LRRK2: variants seen among roughly 807,000 people sequenced by gnomAD.
LRRK2 encodes leucine-rich repeat serine/threonine-protein kinase 2.
LRRK2 carries 203 observed loss-of-function variants against 302.6 expected under a neutral mutation model. That is an observed-to-expected ratio of 0.67 (90% confidence interval 0.60 to 0.75). The LOEUF (loss-of-function observed/expected upper bound fraction) is 0.75. Among genes scored for constraint, LRRK2 ranks in the 30% least tolerant of loss-of-function variants. The probability of loss-of-function intolerance (pLI) is 0.00; values close to 1 mark genes in which losing one functional copy is unlikely to be tolerated. For synonymous variants in LRRK2, 1,066 were observed against 1,031.9 expected (o/e 1.03, Z -0.63); for missense variants, 2,830 against 2,951.0 (o/e 0.96, Z 0.95).
At chr12:40,357,528 C>T (rs558139893) in intron 46 of LRRK2, among the ~76,000 whole-genome samples, 15 of 152,096 alleles carry the variant, frequency 9.9e-5, no homozygotes, top group South Asian at 2.1e-4. Flanking sequence ...TTTTGTTTTC[C>T]GTAGTGGCTA....
chr12:40,298,386 G>T lies in LRRK2; in HGVS notation c.3240G>T (p.Val1080=). The change falls in exon 24 of 51, where the codon GTG becomes GTT. Residue 1080 remains valine (V), a synonymous_variant. Coordinates refer to ENST00000298910, the MANE Select transcript of LRRK2 (RefSeq NM_198578.4). ...IGPSVVLDPT[V]KCPTLKQFNL... Reference sequence around the variant, plus strand: ...CCTCAGTGGTTTTAGATCCTACAGTGAAATGTCCAACTCTGAAACAGTTTA... The same window carrying T: ...CCTCAGTGGTTTTAGATCCTACAGTTAAATGTCCAACTCTGAAACAGTTTA... The T allele has an allele frequency of 6.2e-7, 1 of 1,613,916 alleles. No individual in the cohort carries two copies. Among genetic ancestry groups the T allele is most frequent in the South Asian group, 1.1e-5 (1 of 91,084 alleles).
chr12:40,317,458 G>A (rs191071717), intron 33 of LRRK2, among the ~76,000 whole-genome samples: 6 of 152,114 alleles, frequency 3.9e-5, no homozygotes, highest in African/African-American at 1.2e-4. Flanking sequence ...GGCAAGGGCC[G>A]GAATAATTTC....
At chr12:40,259,402 T>G in intron 12 of LRRK2, 78 bp from the exon 13 acceptor site, 1 of 1,571,488 alleles carries the variant, frequency 6.4e-7, no homozygotes, top group South Asian at 1.1e-5. Context: ...TCTGCCCTCC[T>G]GTACTTATTT....
At chr12:40,262,581 T>G (rs1422762026) in intron 13 of LRRK2, among the ~76,000 whole-genome samples, 1 of 152,124 alleles carries the variant, frequency 6.6e-6, no homozygotes, top group East Asian at 1.9e-4. Context: ...TCAAAAAAAT[T>G]TACAGTCCAC....
chr12:40,304,006 T>C lies in LRRK2; in HGVS notation c.3649T>C (p.Trp1217Arg). Reference protein sequence around the residue: ...DIQYLPGPAHWKSLNLRELLF... With the variant: ...DIQYLPGPAHRKSLNLRELLF... ...TCAGTACCTACCAGGTCCCGCACAC[T>C]GGAAATCTTTGAACTTAAGGGAACT... The change falls in exon 27 of 51, where the codon TGG (tryptophan) becomes CGG (arginine). Residue 1217 changes from tryptophan (W) to arginine (R), a missense_variant. Trp to Arg is a moderately radical substitution (Grantham distance 101, BLOSUM62 -3). Transcript: ENST00000298910. 1 of 1,613,764 alleles carries C rather than the reference T, an allele frequency of 6.2e-7. No homozygotes were observed. The highest frequency in any genetic ancestry group is 8.5e-7 in the Non-Finnish European group (1 of 1,179,766).
rs1330959003 is a variant in LRRK2 at position 40,238,119 on chromosome 12, A to C, written c.571+16A>C. The C allele has an allele frequency of 6.8e-6, 11 of 1,612,008 alleles. No homozygotes were observed. The Admixed American group carries it at 1.8e-4, about 27-fold the overall frequency. ...TTTGAGAGAGGTATTTTAAAATGTCAAATTCCTTAAAGTATATATAAGAAA... is the reference window on the plus strand; with the variant it reads ...TTTGAGAGAGGTATTTTAAAATGTCCAATTCCTTAAAGTATATATAAGAAA... On this transcript the variant is annotated intron_variant, in intron 5 of 50. Transcript: ENST00000298910.
At chr12:40,321,575 G>A (rs11564204) in intron 35 of LRRK2, among the ~76,000 whole-genome samples, 22,039 of 151,906 alleles carry the variant, frequency 0.15, 1,737 homozygotes, top group African/African-American at 0.19. Context: ...AGACATTTTG[G>A]TACTCCAAAG....
At chr12:40,228,123 T>C (rs1349059120) in intron 2 of LRRK2, among the ~76,000 whole-genome samples, 4 of 152,224 alleles carry the variant, frequency 2.6e-5, no homozygotes, top group Non-Finnish European at 5.9e-5. Context: ...CTGGATCATA[T>C]GAAAATTCTC....
At position 40,332,706 on chromosome 12, in the gene LRRK2, T is replaced by C. The variant is rs143543063; in HGVS notation, c.5758-2261T>C. Among the ~76,000 whole-genome samples, 12 of 152,288 alleles carry C rather than the reference T, an allele frequency of 7.9e-5. No individual in the cohort carries two copies. The East Asian group carries it at 1.2e-3, about 15-fold the overall frequency. On this transcript the variant is annotated intron_variant, in intron 39 of 50. Coordinates refer to ENST00000298910, the MANE Select transcript of LRRK2 (RefSeq NM_198578.4). ...CTAGAACCAAATTGAACATTTTATATATAGAAGCTTATCTGTGAATCAAAT... is the reference window on the plus strand; with the variant it reads ...CTAGAACCAAATTGAACATTTTATACATAGAAGCTTATCTGTGAATCAAAT...
chr12:40,308,475 A>G lies in LRRK2; in HGVS notation c.3968A>G (p.Gln1323Arg), dbSNP rs186669665. Residue 1323 changes from glutamine to arginine, a missense_variant, in exon 29 of 51, where the codon CAA becomes CGA. Around this residue, in one of 3 missense-constraint regions of LRRK2, gnomAD observed 2,121 missense variants for 2,148.0 expected, o/e 0.99. Transcript: ENST00000298910. The stretch of plus-strand genomic sequence containing the variant: ...TATCTTTCAAATACTAGGTTTCTTC[A>G]ACAGCGATTAAAAAAGGCTGTGCCT... ...CKAKDIIRFL[Q>R]QRLKKAVPYN... 4 of 1,613,300 alleles carry G rather than the reference A, an allele frequency of 2.5e-6. No homozygotes were observed. In the East Asian group the frequency reaches 8.9e-5, roughly 36 times the overall value.
intron 20 of LRRK2, among the ~76,000 whole-genome samples, chr12:40,292,622 C>T (rs73268078): frequency 0.024 from 3,601 of 151,592 alleles, 157 homozygotes; most frequent in African/African-American, 0.082. Flanking sequence ...TAAACTTTAG[C>T]AATGAACCAG....
chr12:40,238,797 C>T (rs975643489), intron 5 of LRRK2, among the ~76,000 whole-genome samples: 3 of 152,232 alleles, frequency 2.0e-5, no homozygotes, highest in Non-Finnish European at 2.9e-5. Flanking sequence ...TATCAGTTTA[C>T]CAGTCTAATT....
At chr12:40,274,104 A>G (rs1162483921) in intron 14 of LRRK2, among the ~76,000 whole-genome samples, 1 of 152,202 alleles carries the variant, frequency 6.6e-6, no homozygotes. Flanking sequence ...TAAATGAAAT[A>G]ACGCATGCAA....
At chr12:40,316,278 G>GA in intron 33 of LRRK2, 1 of 980,324 alleles carries the variant, frequency 1.0e-6, no homozygotes, top group African/African-American at 1.7e-5. Flanking sequence ...TCCATCTAAG[G>GA]AAAAAAAGGA....
At chr12:40,266,223 G>A (rs902757261) in intron 14 of LRRK2, among the ~76,000 whole-genome samples, 1 of 151,896 alleles carries the variant, frequency 6.6e-6, no homozygotes, top group African/African-American at 2.4e-5. Context: ...GCAACCTACA[G>A]AATGGGAGAA....
intron 11 of LRRK2, among the ~76,000 whole-genome samples, chr12:40,255,704 A>T (rs1942470714): frequency 6.6e-6 from 1 of 152,174 alleles, no homozygotes; most frequent in Admixed American, 6.6e-5. Flanking sequence ...GGTGATTCTG[A>T]TGCACACTAA....
chr12:40,283,017 A>C (rs530668549), intron 18 of LRRK2, among the ~76,000 whole-genome samples: 2 of 151,338 alleles, frequency 1.3e-5, no homozygotes, highest in Non-Finnish European at 2.9e-5. Flanking sequence ...AAATGGGAGT[A>C]ATAATTGCTA....
chr12:40,304,941 A>G (rs1464829672), intron 27 of LRRK2: 2 of 152,050 alleles, frequency 1.3e-5, no homozygotes, highest in African/African-American at 2.4e-5. Context: ...TCTCTGTCCA[A>G]TCTGTTAACA....
At chr12:40,227,825 A>C (rs1355553698) in intron 2 of LRRK2, 1 of 152,224 alleles carries the variant, frequency 6.6e-6, no homozygotes, top group Non-Finnish European at 1.5e-5. Flanking sequence ...CCTCCCAGGT[A>C]GCTAGGACTA....
Sources: gnomAD v4.1 joint callset for allele counts (sites outside exome capture counted in the v4.1 genomes callset) on GRCh38, gnomAD v4.1.1 for gene constraint, gnomAD v4.1.1 regional missense constraint, MANE v1.5 for transcripts, NCBI Gene and HGNC (gene_info 2026-07-23, HGNC 2026-07-21) for gene names.